Variants in SGK3 observed in about 807,000 individuals in gnomAD.
The protein encoded by SGK3 is serum/glucocorticoid regulated kinase family member 3.
Under a neutral mutation model 68.5 loss-of-function variants are expected in SGK3, and 47 were observed. That is an observed-to-expected ratio of 0.69 (90% CI 0.54 to 0.87). The LOEUF is 0.87. Ranked by LOEUF, SGK3 falls within the 40% of genes least tolerant of loss-of-function variation. The probability of loss-of-function intolerance (pLI) is 0.00; values close to 1 mark genes in which losing one functional copy is unlikely to be tolerated. For synonymous variants in SGK3, 181 were observed against 189.1 expected (o/e 0.96, Z 0.35); for missense variants, 479 against 575.5 (o/e 0.83, Z 1.72).
chr8:66,773,795 A>G (rs886769097), intron 1 of SGK3, among the ~76,000 whole-genome samples: 1 of 152,150 alleles, frequency 6.6e-6, no homozygotes, highest in African/African-American at 2.4e-5. Context: ...ATAGCGTGAG[A>G]TTTTATCACA....
chr8:66,840,583 C>G (rs1263558549), intron 12 of SGK3: 2 of 243,044 alleles, frequency 8.2e-6, no homozygotes, highest in Non-Finnish European at 1.6e-5. Flanking sequence ...TAGTATTGTA[C>G]CAATGACAAT....
At chr8:66,856,903 G>C (rs576896845) in intron 16 of SGK3, among the ~76,000 whole-genome samples, 56 of 152,218 alleles carry the variant, frequency 3.7e-4, no homozygotes, top group African/African-American at 1.3e-3. Context: ...GACCAGCCTG[G>C]CCAACATGGT....
chr8:66,740,856 G>T (rs140649929), intron 1 of SGK3, among the ~76,000 whole-genome samples: 2 of 145,890 alleles, frequency 1.4e-5, no homozygotes, highest in African/African-American at 5.1e-5. Context: ...GCGGTGAGCC[G>T]AGATTGCGCC....
At chr8:66,737,900 G>A (rs1257826692) in intron 1 of SGK3, among the ~76,000 whole-genome samples, 1 of 152,018 alleles carries the variant, frequency 6.6e-6, no homozygotes, top group Non-Finnish European at 1.5e-5. Context: ...ATAGGCATGA[G>A]CCACCGCACC....
At chr8:66,772,539 C>T (rs1426991441) in intron 1 of SGK3, among the ~76,000 whole-genome samples, 2 of 150,234 alleles carry the variant, frequency 1.3e-5, no homozygotes, top group African/African-American at 2.5e-5. Context: ...GGACTACAGG[C>T]GCGCACCACT....
intron 5 of SGK3, among the ~76,000 whole-genome samples, chr8:66,822,120 A>C (rs1161621562): frequency 6.6e-6 from 1 of 151,730 alleles, no homozygotes; most frequent in African/African-American, 2.4e-5. Context: ...ATCTTCACAA[A>C]TTTGCTGCCA....
chr8:66,844,103 C>T (rs1375912672), intron 14 of SGK3, among the ~76,000 whole-genome samples: 1 of 151,842 alleles, frequency 6.6e-6, no homozygotes, highest in Non-Finnish European at 1.5e-5. Flanking sequence ...GTTCTTACCC[C>T]CTTGGCATTT....
chr8:66,786,847 A>G lies in SGK3; in HGVS notation c.-121-6769A>G, dbSNP rs115466671. ...TCAGTATACCATGTGTACACATAAC[A>G]TCATACTTAACAAATTTTTATGTTG... On this transcript the variant is annotated intron_variant, in intron 1 of 16. Coordinates refer to ENST00000521198, the MANE Select transcript of SGK3 (RefSeq NM_001033578.3). Among the ~76,000 whole-genome samples, 497 of 150,932 alleles carry G rather than the reference A, an allele frequency of 3.3e-3. 2 individuals carry two copies. Among genetic ancestry groups the G allele is most frequent in the African/African-American group, 0.011 (467 of 41,032 alleles).
At chr8:66,723,115 ATATATATATATATATATTTTTTTTTT>A (rs1563595206) in intron 1 of SGK3, among the ~76,000 whole-genome samples, 2 of 48,778 alleles carry the variant, frequency 4.1e-5, no homozygotes, top group African/African-American at 1.8e-4. Context: ...ATATATATAT[ATATATATATATATATATTTTTTTTTT>A]TTTTTTTTTT....
chr8:66,727,968 A>G (rs1241806861), intron 1 of SGK3, among the ~76,000 whole-genome samples: 2 of 152,246 alleles, frequency 1.3e-5, no homozygotes, highest in Non-Finnish European at 2.9e-5. Context: ...AGTAATTTAC[A>G]CTTAACACTT....
intron 14 of SGK3, 108 bp from the exon 15 acceptor site, chr8:66,847,082 AGGT>A: frequency 1.4e-6 from 2 of 1,455,042 alleles, no homozygotes; most frequent in Non-Finnish European, 1.8e-6. Flanking sequence ...ACGTCCCAAG[AGGT>A]CCATACATTT....
At chr8:66,818,068 G>A (rs1050752164) in intron 5 of SGK3, among the ~76,000 whole-genome samples, 1 of 152,192 alleles carries the variant, frequency 6.6e-6, no homozygotes, top group African/African-American at 2.4e-5. Flanking sequence ...ACAGTGAGCT[G>A]TGATTATCCC....
chr8:66,792,919 GA>G (rs1226984695), intron 1 of SGK3, among the ~76,000 whole-genome samples: 1 of 152,166 alleles, frequency 6.6e-6, no homozygotes, highest in Non-Finnish European at 1.5e-5. Flanking sequence ...GTCTCTAAAA[GA>G]AAGGTATTAT....
intron 8 of SGK3, among the ~76,000 whole-genome samples, chr8:66,835,143 G>T (rs550809352): frequency 5.8e-4 from 88 of 152,178 alleles, no homozygotes; most frequent in African/African-American, 2.1e-3. Flanking sequence ...GGTGGCACAC[G>T]CCTGTAGTCC....
At chr8:66,857,809 G>A (rs984273880) in intron 16 of SGK3, among the ~76,000 whole-genome samples, 2 of 128,848 alleles carry the variant, frequency 1.6e-5, no homozygotes, top group Admixed American at 1.5e-4. Flanking sequence ...ATGTGTGTGT[G>A]TGTGTGTGTG....
chr8:66,742,355 C>T (rs1373387257), intron 1 of SGK3, among the ~76,000 whole-genome samples: 1 of 151,994 alleles, frequency 6.6e-6, no homozygotes, highest in Non-Finnish European at 1.5e-5. Context: ...TTATATATTT[C>T]TCCATTAATT....
intron 1 of SGK3, among the ~76,000 whole-genome samples, chr8:66,723,090 CATATATATAT>C (rs1168038766): frequency 2.0e-3 from 43 of 21,270 alleles, no homozygotes; most frequent in Non-Finnish European, 2.5e-3. Context: ...AGATTTTGTT[CATATATATAT>C]ATATATATAT....
At chr8:66,750,758 AC>A (rs1805788941) in intron 1 of SGK3, among the ~76,000 whole-genome samples, 1 of 151,766 alleles carries the variant, frequency 6.6e-6, no homozygotes, top group South Asian at 2.1e-4. Context: ...TAATCCCAGC[AC>A]TTTGGGAGGC....
chr8:66,831,414 A>G, intron 8 of SGK3, 103 bp downstream of exon 8: 1 of 1,389,310 alleles, frequency 7.2e-7, no homozygotes, highest in Non-Finnish European at 1.0e-6. Context: ...TGGTGCAGTC[A>G]TAGCACACTT....
Sources: gnomAD v4.1 joint callset for allele counts (sites outside exome capture counted in the v4.1 genomes callset) on GRCh38, gnomAD v4.1.1 for gene constraint, MANE v1.5 for transcripts, NCBI Gene and HGNC (gene_info 2026-07-23, HGNC 2026-07-21) for gene names.